Variants in DNAH2 observed in about 807,000 individuals in gnomAD.
DNAH2 encodes the protein dynein axonemal heavy chain 2.
Under a neutral mutation model 523.5 loss-of-function variants are expected in DNAH2, and 323 were observed. That is an observed-to-expected ratio of 0.62 (90% CI 0.56 to 0.68). The LOEUF (loss-of-function observed/expected upper bound fraction) is 0.68. DNAH2 is among the 30% of genes least tolerant of loss of function. The pLI is 0.00. For synonymous variants in DNAH2, 2,093 were observed against 2,177.4 expected (o/e 0.96, Z 1.08); for missense variants, 4,907 against 5,701.5 (o/e 0.86, Z 4.49).
rs1437445670 is a variant in DNAH2, at chr17:7,824,058, ATC to A, written c.11479-54_11479-53del. 3.4e-5 allele frequency: 53 copies of A among 1,575,684 alleles called. No homozygotes were observed. The South Asian group carries it at 4.6e-4, about 14-fold the overall frequency. On this transcript the variant is annotated intron_variant, in intron 75 of 85. Transcript: ENST00000572933. Reference sequence around the variant, plus strand: ...CCCTCGCTCTGTTTCAGTCTCCTTCATCTCTCTCTCCCACTTTGGTCATGTGG... The same window carrying A: ...CCCTCGCTCTGTTTCAGTCTCCTTCATCTCTCTCCCACTTTGGTCATGTGG...
Position 7,776,880 on chromosome 17 carries a change from G to C in DNAH2, c.5049G>C (p.Lys1683Asn), listed in dbSNP as rs781572015. The C allele has an allele frequency of 1.2e-6, 2 of 1,610,304 alleles. No individual in the cohort carries two copies. ...RADKKILKVM[K>N]KNQVSILNKY... ...ACAAGAAAATCCTCAAGGTCATGAA[G>C]AAGAACCAGGTGAGAGGCTGGGCGC... is the stretch of plus-strand genomic sequence containing the variant. Residue 1683 changes from lysine (K) to asparagine (N), a missense_variant, in exon 32 of 86, where the codon AAG becomes AAC. Physicochemically the swap from Lys to Asn is moderately conservative, Grantham distance 94. This residue lies in a region of DNAH2 where 2,806 missense variants were observed against 3,190.8 expected (regional missense o/e 0.88). Coordinates refer to ENST00000572933, the MANE Select transcript of DNAH2 (RefSeq NM_020877.5).
At chr17:7,735,623 G>A (rs2075119779) in intron 7 of DNAH2, among the ~76,000 whole-genome samples, 1 of 151,502 alleles carries the variant, frequency 6.6e-6, no homozygotes, top group Non-Finnish European at 1.5e-5. Flanking sequence ...ATTTTTTGTA[G>A]AGACAGGATT....
chr17:7,731,794 C>T (rs958302986), intron 4 of DNAH2, among the ~76,000 whole-genome samples: 14 of 152,026 alleles, frequency 9.2e-5, no homozygotes, highest in African/African-American at 2.4e-4. Flanking sequence ...TTTGGGAGGC[C>T]GAGGCAGGCG....
chr17:7,767,847 AG>A, intron 22 of DNAH2, 52 bp from the exon 23 acceptor site: 1 of 1,610,140 alleles, frequency 6.2e-7, no homozygotes, highest in Non-Finnish European at 8.5e-7. Flanking sequence ...GGCGTCCGTC[AG>A]GGAGGAAGAG....
rs769955106 is a variant in DNAH2 at position 7,833,669 on chromosome 17, T to C, written c.*136T>C. On this transcript the variant is annotated 3_prime_UTR_variant, in exon 86 of 86. Coordinates refer to ENST00000572933, the MANE Select transcript of DNAH2 (RefSeq NM_020877.5). ...AATTTGTGTGATGTGGCCCTGGAGA[T>C]ACCTAGTTGTGTTAGCCATAAAAGT... 34 of 1,194,538 alleles carry C rather than the reference T, an allele frequency of 2.8e-5. 1 individual carries two copies. The South Asian group carries it at 4.4e-4, about 15-fold the overall frequency. 74.0% of individuals were successfully genotyped at this position (1,194,538 alleles called of 1,614,324 possible). A position where few individuals can be genotyped will look rare whatever the true frequency, so the allele number is the denominator to read the frequency against.
At position 7,780,349 on chromosome 17, in the gene DNAH2, G is replaced by T; in HGVS notation, c.5850+65G>T. ...CTTTCATAATTATTCCCTGGACAGA[G>T]GAGCTCCCCAAGGGCCTCACAATCA... On this transcript the variant is annotated intron_variant, in intron 37 of 85. Transcript: ENST00000572933. The surrounding 1 kb of genome is among the most constrained non-coding windows in gnomAD (Gnocchi z 4.4). 6.2e-7 allele frequency: 1 copy of T among 1,607,644 alleles called. No individual in the cohort carries two copies. Among genetic ancestry groups the T allele is most frequent in the Non-Finnish European group, 8.5e-7 (1 of 1,176,734 alleles).
rs780453300 is a variant in DNAH2 at position 7,760,800 on chromosome 17, C to A, written c.2846C>A (p.Ala949Glu). The A allele has an allele frequency of 6.2e-7, 1 of 1,614,188 alleles. No homozygotes were observed. Among genetic ancestry groups the A allele is most frequent in the Non-Finnish European group, 8.5e-7 (1 of 1,180,030 alleles). The change falls in exon 18 of 86, where the codon GCA (alanine) becomes GAA (glutamate). Residue 949 changes from alanine to glutamate, a missense_variant. Physicochemically the swap from Ala to Glu is moderately radical, Grantham distance 107 (BLOSUM62 -1). This residue lies in a region of DNAH2 where 2,806 missense variants were observed against 3,190.8 expected (regional missense o/e 0.88). Coordinates refer to ENST00000572933, the MANE Select transcript of DNAH2 (RefSeq NM_020877.5). The surrounding 1 kb of genome is among the most constrained non-coding windows in gnomAD (Gnocchi z 4.0). Reference protein sequence around the residue: ...TQISSGMTNNASLLQNYLKTW... With the variant: ...TQISSGMTNNESLLQNYLKTW... Reference sequence around the variant, plus strand: ...ATCAGCAGCGGCATGACTAACAACGCAAGCCTGCTGCAGAACTACCTCAAG... The same window carrying A: ...ATCAGCAGCGGCATGACTAACAACGAAAGCCTGCTGCAGAACTACCTCAAG...
intron 12 of DNAH2, among the ~76,000 whole-genome samples, chr17:7,744,740 T>C (rs2075465303): frequency 6.6e-6 from 1 of 152,172 alleles, no homozygotes; most frequent in Non-Finnish European, 1.5e-5. Flanking sequence ...GATAAGATTC[T>C]GAAGACTGAG....
chr17:7,780,695 C>T lies in DNAH2; in HGVS notation c.5916C>T (p.His1972=). The part of the protein sequence containing the change: ...LAVQQLSRQD[H]YDFGLRALTS... ...TGCAGCAGCTGTCCAGACAGGACCA[C>T]TATGACTTTGGCCTGCGTGCCCTCA... Residue 1972 remains histidine, a synonymous_variant, in exon 38 of 86, where the codon CAC becomes CAT. Coordinates refer to ENST00000572933, the MANE Select transcript of DNAH2 (RefSeq NM_020877.5). This position sits in a 1 kb window ranked among gnomAD's most constrained non-coding sequence, Gnocchi z 4.4. 6.2e-7 allele frequency: 1 copy of T among 1,614,244 alleles called. No individual in the cohort carries two copies. The highest frequency in any genetic ancestry group is 8.5e-7 in the Non-Finnish European group (1 of 1,180,046).
Position 7,824,256 on chromosome 17 carries a change from G to T in DNAH2, c.11614G>T (p.Gly3872Cys), listed in dbSNP as rs2077955736. Residue 3872 changes from glycine to cysteine, a missense_variant, in exon 76 of 86, where the codon GGC becomes TGC. By Grantham distance (159) the Gly-to-Cys change is radical (BLOSUM62 -3). Transcript: ENST00000572933. ...QRFHALSLGQ[G>C]QAPIAARLLR... ...CTTCCACGCCCTGTCCCTGGGCCAG[G>T]GCCAGGCCCCCATCGCTGCTCGGCT... is the stretch of plus-strand genomic sequence containing the variant. 1.3e-6 allele frequency: 2 copies of T among 1,569,282 alleles called. No homozygotes were observed. The highest frequency in any genetic ancestry group is 1.4e-5 in the African/African-American group (1 of 72,710).
intron 63 of DNAH2, among the ~76,000 whole-genome samples, chr17:7,810,519 G>C (rs1012766969): frequency 6.6e-6 from 1 of 152,142 alleles, no homozygotes; most frequent in Admixed American, 6.6e-5. Context: ...CTCCCGAGTA[G>C]CTGGGATTAC....
Position 7,804,390 on chromosome 17 carries a change from C to G in DNAH2, c.9107C>G (p.Ala3036Gly). 1 of 1,614,148 alleles carries G rather than the reference C, an allele frequency of 6.2e-7. No homozygotes were observed. The highest frequency in any genetic ancestry group is 8.5e-7 in the Non-Finnish European group (1 of 1,180,036). ...CTGGAGGATGCCAAGAAGAAGGTGG[C>G]TGAGTTCCAGAAGCAGTGTGAGGAG... ...LELEDAKKKV[A>G]EFQKQCEEYL... The change falls in exon 59 of 86, where the codon GCT (alanine) becomes GGT (glycine). Residue 3036 changes from alanine (A) to glycine (G), a missense_variant. Ala to Gly is a moderately conservative substitution (Grantham distance 60). Coordinates refer to ENST00000572933, the MANE Select transcript of DNAH2 (RefSeq NM_020877.5).
In DNAH2 at chr17:7,833,614, C is replaced by T. The variant is rs1318432541; in HGVS notation, c.*81C>T. On this transcript the variant is annotated 3_prime_UTR_variant, in exon 86 of 86. Coordinates refer to ENST00000572933, the MANE Select transcript of DNAH2 (RefSeq NM_020877.5). ...CAGATGTTGCACCTAGGACTGAGGC[C>T]GGACCTCACTCAGACTTTGACCTTG... 1 of 1,584,792 alleles carries T rather than the reference C, an allele frequency of 6.3e-7. No homozygotes were observed. Among genetic ancestry groups the T allele is most frequent in the Non-Finnish European group, 8.6e-7 (1 of 1,168,020 alleles).
intron 11 of DNAH2, 52 bp downstream of exon 11, chr17:7,741,044 G>A: frequency 6.5e-7 from 1 of 1,550,216 alleles, no homozygotes; most frequent in Non-Finnish European, 8.7e-7. Context: ...CGCCAGGAGG[G>A]ATGGGGGATG....
intron 56 of DNAH2, among the ~76,000 whole-genome samples, chr17:7,799,514 G>C (rs2077163246): frequency 6.6e-6 from 1 of 152,040 alleles, no homozygotes. Flanking sequence ...ATCTAATTGT[G>C]GTTAAAAACA....
At chr17:7,781,409 T>C (rs925095452) in intron 39 of DNAH2, among the ~76,000 whole-genome samples, 29 of 152,058 alleles carry the variant, frequency 1.9e-4, no homozygotes, top group African/African-American at 6.3e-4. Flanking sequence ...CCCCAGGAGA[T>C]TGAGGCTATA....
In DNAH2 at chr17:7,792,143, G is replaced by A. The variant is rs572091883; in HGVS notation, c.7053+74G>A. 16 of 1,602,756 alleles carry A rather than the reference G, an allele frequency of 1.0e-5. No homozygotes were observed. In the South Asian group the frequency reaches 1.4e-4, roughly 14 times the overall value. On this transcript the variant is annotated intron_variant, in intron 45 of 85. Coordinates refer to ENST00000572933, the MANE Select transcript of DNAH2 (RefSeq NM_020877.5). ...CTGGGCATCCCCCATCTCAGGCTCTGCTTGGGTTTCCCTCTCTCTTTCTTC... is the reference window on the plus strand; with the variant it reads ...CTGGGCATCCCCCATCTCAGGCTCTACTTGGGTTTCCCTCTCTCTTTCTTC...
intron 11 of DNAH2, among the ~76,000 whole-genome samples, chr17:7,741,993 A>G (rs959235386): frequency 1.3e-5 from 2 of 152,016 alleles, no homozygotes; most frequent in African/African-American, 4.8e-5. Context: ...CAGGCTGCAG[A>G]GGAGGAATAG....
Position 7,786,014 on chromosome 17 carries a change from T to G in DNAH2, c.6130-110T>G. On this transcript the variant is annotated intron_variant, in intron 39 of 85. Coordinates refer to ENST00000572933, the MANE Select transcript of DNAH2 (RefSeq NM_020877.5). This position sits in a 1 kb window ranked among gnomAD's most constrained non-coding sequence, Gnocchi z 7.5. ...AGAGCCGGAGTGCAGAGGGCCCTGGTGCCATTTTTAACAGTTTGAACGTAT... is the reference window on the plus strand; with the variant it reads ...AGAGCCGGAGTGCAGAGGGCCCTGGGGCCATTTTTAACAGTTTGAACGTAT... 2 of 1,142,314 alleles carry G rather than the reference T, an allele frequency of 1.8e-6. No homozygotes were observed. Among genetic ancestry groups the G allele is most frequent in the South Asian group, 3.0e-5 (2 of 67,332 alleles). 70.8% of individuals were successfully genotyped at this position (1,142,314 alleles called of 1,614,324 possible). A position where few individuals can be genotyped will look rare whatever the true frequency, so the allele number is the denominator to read the frequency against.
Sources: allele counts gnomAD v4.1 joint callset (sites outside exome capture counted in the v4.1 genomes callset), GRCh38; gene constraint gnomAD v4.1.1; regional missense constraint gnomAD v4.1.1; non-coding constraint Gnocchi (gnomAD v3.1); transcripts MANE v1.5; gene names NCBI Gene and HGNC (gene_info 2026-07-23, HGNC 2026-07-21).